Variants in CEP128 observed in about 807,000 individuals in gnomAD.
CEP128 encodes the protein centrosomal protein 128kDa.
In CEP128, 132 loss-of-function variants were observed where a neutral mutation model predicts 156.7. The ratio of observed to expected loss-of-function variants is 0.84; its 90% CI spans 0.73 to 0.97. The LOEUF (loss-of-function observed/expected upper bound fraction) is 0.97, where lower values mean the gene tolerates loss of function less well. Ranked by LOEUF, CEP128 falls within the 50% of genes least tolerant of loss-of-function variation. The pLI, the probability that CEP128 is intolerant of heterozygous loss-of-function variation, is 0.00. For synonymous variants in CEP128, 469 were observed against 448.9 expected (o/e 1.04, Z -0.57); for missense variants, 1,252 against 1,281.9 (o/e 0.98, Z 0.36).
chr14:80,490,674 T>C (rs900943473), exon 7 of CEP128: 1 of 152,154 alleles, frequency 6.6e-6, no homozygotes, highest in Non-Finnish European at 1.5e-5. Context: ...GAAATGGCTT[T>C]AAGACCTCCA....
intron 2 of CEP128, among the ~76,000 whole-genome samples, chr14:80,948,227 G>T (rs1193350833): frequency 6.6e-6 from 1 of 152,128 alleles, no homozygotes; most frequent in Non-Finnish European, 1.5e-5. Flanking sequence ...AAGTTTGCAA[G>T]TTACCTTCAA....
intron 23 of CEP128, among the ~76,000 whole-genome samples, chr14:80,518,001 T>C (rs1444121629): frequency 6.6e-6 from 1 of 151,850 alleles, no homozygotes; most frequent in East Asian, 1.9e-4. Context: ...TGGTGGACGG[T>C]GAGCGAAAGC....
chr14:80,526,165 C>T (rs936590804), intron 23 of CEP128, among the ~76,000 whole-genome samples: 12 of 152,168 alleles, frequency 7.9e-5, no homozygotes, highest in African/African-American at 2.4e-4. Flanking sequence ...CTAGTGCGTA[C>T]ATTTTAGGGA....
At chr14:80,882,172 T>C (rs1374272760) in intron 8 of CEP128, among the ~76,000 whole-genome samples, 1 of 151,954 alleles carries the variant, frequency 6.6e-6, no homozygotes, top group African/African-American at 2.4e-5. Flanking sequence ...AAAATATTCA[T>C]CTGACAATAA....
chr14:80,883,779 T>C (rs1888663606), intron 8 of CEP128, among the ~76,000 whole-genome samples: 1 of 152,140 alleles, frequency 6.6e-6, no homozygotes, highest in Admixed American at 6.5e-5. Flanking sequence ...AAAGCTATCC[T>C]GAGCAAAAAG....
chr14:80,506,414 T>TA (rs1887977169), intron 23 of CEP128, among the ~76,000 whole-genome samples: 1 of 150,348 alleles, frequency 6.7e-6, no homozygotes, highest in Non-Finnish European at 1.5e-5. Context: ...TGATTTATTT[T>TA]TTTTTTTTTC....
chr14:80,775,484 T>C (rs1468095812), intron 16 of CEP128, among the ~76,000 whole-genome samples: 1 of 152,244 alleles, frequency 6.6e-6, no homozygotes, highest in Admixed American at 6.5e-5. Context: ...TGTTTGCGTG[T>C]GTATCGTTAA....
At chr14:80,903,669 T>G (rs1257145278) in intron 6 of CEP128, among the ~76,000 whole-genome samples, 3 of 151,360 alleles carry the variant, frequency 2.0e-5, no homozygotes, top group African/African-American at 7.3e-5. Flanking sequence ...AAAAAAAAAT[T>G]TAAAATGGGC....
intron 13 of CEP128, among the ~76,000 whole-genome samples, chr14:80,810,341 A>AAAAAAAAAAAAAAAAAAAAAAAC (rs1884449438): frequency 6.7e-6 from 1 of 148,642 alleles, no homozygotes; most frequent in Non-Finnish European, 1.5e-5. Flanking sequence ...AAAAAAAAAA[A>AAAAAAAAAAAAAAAAAAAAAAAC]AAAAAAAGAA....
intron 8 of CEP128, among the ~76,000 whole-genome samples, chr14:80,882,796 C>T (rs1888613398): frequency 6.6e-6 from 1 of 152,038 alleles, no homozygotes; most frequent in South Asian, 2.1e-4. Context: ...AATTAGCCAA[C>T]ACAGAGAGGC....
At chr14:80,843,074 G>A (rs7154345) in intron 9 of CEP128, among the ~76,000 whole-genome samples, 9,798 of 151,918 alleles carry the variant, frequency 0.064, 1,044 homozygotes, top group African/African-American at 0.22. Context: ...TTTTCAGAGA[G>A]TAGTAAAAAG....
downstream of CEP128, among the ~76,000 whole-genome samples, chr14:80,489,171 C>T (rs919575072): frequency 1.3e-5 from 2 of 148,396 alleles, no homozygotes; most frequent in African/African-American, 5.0e-5. Context: ...GCAAATAAAA[C>T]ACCAAGCAAA....
chr14:80,638,691 A>C (rs1255887200), intron 19 of CEP128, among the ~76,000 whole-genome samples: 1 of 152,212 alleles, frequency 6.6e-6, no homozygotes, highest in Non-Finnish European at 1.5e-5. Flanking sequence ...AGTGACTAGC[A>C]TATAGTAGGA....
At chr14:80,863,532 A>G (rs1425376921) in intron 8 of CEP128, among the ~76,000 whole-genome samples, 2 of 152,238 alleles carry the variant, frequency 1.3e-5, no homozygotes, top group African/African-American at 4.8e-5. Flanking sequence ...CTGACACAAA[A>G]TTCTCCTTAC....
At chr14:80,833,345 G>A (rs1049820081) in intron 12 of CEP128, among the ~76,000 whole-genome samples, 1 of 150,952 alleles carries the variant, frequency 6.6e-6, no homozygotes, top group African/African-American at 2.4e-5. Context: ...TATTTGATAT[G>A]GAGATATATT....
chr14:80,601,409 C>A (rs958393744), intron 19 of CEP128, among the ~76,000 whole-genome samples: 4 of 152,092 alleles, frequency 2.6e-5, no homozygotes, highest in African/African-American at 7.2e-5. Flanking sequence ...GTGGGCCACA[C>A]ATAAAATTAA....
At chr14:80,655,731 T>C (rs1895102467) in intron 19 of CEP128, among the ~76,000 whole-genome samples, 1 of 152,140 alleles carries the variant, frequency 6.6e-6, no homozygotes, top group Non-Finnish European at 1.5e-5. Context: ...GAAAGATAGA[T>C]GGGTGCTGGT....
intron 18 of CEP128, among the ~76,000 whole-genome samples, chr14:80,755,272 G>A (rs556671375): frequency 1.3e-5 from 2 of 152,194 alleles, no homozygotes; most frequent in East Asian, 1.9e-4. Context: ...CCTGCAGATG[G>A]CCTATTGTGG....
chr14:80,761,267 C>T (rs1245672303), intron 17 of CEP128, among the ~76,000 whole-genome samples, 170 bp downstream of exon 17: 1 of 151,358 alleles, frequency 6.6e-6, no homozygotes, highest in Non-Finnish European at 1.5e-5. Context: ...CGTTCTCTCA[C>T]CACAACTGTG....
Sources: allele counts gnomAD v4.1 joint callset (sites outside exome capture counted in the v4.1 genomes callset), GRCh38; gene constraint gnomAD v4.1.1; transcripts MANE v1.5; gene names NCBI Gene and HGNC (gene_info 2026-07-23, HGNC 2026-07-21).